Variants in CACNA1C observed in about 807,000 individuals in gnomAD.
The protein encoded by CACNA1C is voltage-dependent L-type calcium channel subunit alpha-1C.
A neutral mutation model predicts 229.0 loss-of-function variants in CACNA1C; 30 were observed. The observed-to-expected ratio is 0.13, with a 90% CI of 0.10 to 0.18. The LOEUF is 0.18. Among genes scored for constraint, CACNA1C ranks in the 10% least tolerant of loss-of-function variants. CACNA1C has a pLI of 1.00. For missense variants in CACNA1C, 1,658 were observed against 2,845.0 expected, an observed-to-expected ratio of 0.58 and a Z score of 9.49; for synonymous variants, 1,114 against 1,132.5, an observed-to-expected ratio of 0.98 and a Z score of 0.33.
At chr12:2,524,104 G>A (rs1463875558) in intron 9 of CACNA1C, among the ~76,000 whole-genome samples, 1 of 152,204 alleles carries the variant, frequency 6.6e-6, no homozygotes, top group Non-Finnish European at 1.5e-5. Context: ...ATGGGAGGAT[G>A]ATTTATAGAA....
intron 1 of CACNA1C, among the ~76,000 whole-genome samples, chr12:2,093,809 C>T (rs2072554966): frequency 6.6e-6 from 1 of 152,230 alleles, no homozygotes; most frequent in African/African-American, 2.4e-5. Flanking sequence ...AACCGCCCCT[C>T]TTTCATGACA....
intron 3 of CACNA1C, among the ~76,000 whole-genome samples, chr12:2,136,169 G>T (rs573617695): frequency 6.6e-6 from 1 of 151,354 alleles, no homozygotes; most frequent in African/African-American, 2.4e-5. Flanking sequence ...TTTGGCTCGC[G>T]CACCCACTGG....
rs2072455632 is a variant in CACNA1C at position 2,601,742 on chromosome 12, A to G, written c.2854-112A>G. The stretch of plus-strand genomic sequence containing the variant: ...TCTTTGTCCTTCCTGTTCCCCATGG[A>G]TGGTGCTTGGGACTTGCCCAAGGGA... On this transcript the variant is annotated intron_variant, in intron 21 of 46. Transcript: ENST00000399655. The surrounding 1 kb of genome is among the most constrained non-coding windows in gnomAD (Gnocchi z 5.9). 4.0e-6 allele frequency: 3 copies of G among 749,034 alleles called. No individual in the cohort carries two copies. The highest frequency in any genetic ancestry group is 3.8e-5 in the Admixed American group (2 of 52,666). The allele number at this position is 749,034 out of a possible 1,614,324, so 46.4% of individuals were successfully genotyped here.
intron 11 of CACNA1C, among the ~76,000 whole-genome samples, chr12:2,558,954 A>C (rs934238786): frequency 1.3e-5 from 2 of 151,914 alleles, no homozygotes; most frequent in East Asian, 3.9e-4. Context: ...AAAAAAAAAA[A>C]TTTCTCTCTC....
Position 2,488,953 on chromosome 12 carries a change from CA to C in CACNA1C, c.916+2692del, listed in dbSNP as rs1324018995. On this transcript the variant is annotated intron_variant, in intron 6 of 46. Coordinates refer to ENST00000399655, the MANE Select transcript of CACNA1C (RefSeq NM_000719.7). The surrounding 1 kb of genome is among the most constrained non-coding windows in gnomAD (Gnocchi z 4.0). ...AGCCCTTGTCCACCCACAGAGTGGG[CA>C]GTGCAGACAAGGAGGGAAAATACGC... Among the ~76,000 whole-genome samples, 1 of 152,232 alleles carries C rather than the reference CA, an allele frequency of 6.6e-6. No homozygotes were observed. The highest frequency in any genetic ancestry group is 1.5e-5 in the Non-Finnish European group (1 of 68,040).
intron 11 of CACNA1C, among the ~76,000 whole-genome samples, chr12:2,565,087 G>T (rs1441732417): frequency 1.3e-5 from 2 of 152,166 alleles, no homozygotes; most frequent in Non-Finnish European, 1.5e-5. Flanking sequence ...CTCCACCATA[G>T]AATCTTAAAA....
At position 1,980,081 on chromosome 12, in the gene CACNA1C, A is replaced by G. The variant is rs149509470; in HGVS notation, c.139+8880A>G. On this transcript the variant is annotated intron_variant, in intron 1 of 46. Coordinates refer to the CACNA1C transcript ENST00000682462. The stretch of plus-strand genomic sequence containing the variant: ...AGTATCTCTAAAGCTAAACAAACCC[A>G]TACACTATGTCCCCATCAATTTCAC... Among the ~76,000 whole-genome samples the G allele has an allele frequency of 3.2e-3, 481 of 152,340 alleles. 2 individuals are homozygous for G. The highest frequency in any genetic ancestry group is 0.011 in the African/African-American group (444 of 41,584).
rs1269914313 is a variant in CACNA1C, at chr12:2,692,208, T to G, written c.*1009T>G. On this transcript the variant is annotated 3_prime_UTR_variant, in exon 47 of 47. Transcript: ENST00000399655. ...GTTATCATTTCCTTAGGTAGTAACC[T>G]ATTTTTGTTCTGGTTTGGTTCGGTT... The G allele has an allele frequency of 6.6e-6, 1 of 152,260 alleles. No homozygotes were observed. Among genetic ancestry groups the G allele is most frequent in the Non-Finnish European group, 1.5e-5 (1 of 68,052 alleles). 9.4% of individuals were successfully genotyped at this position (152,260 alleles called of 1,614,324 possible).
rs1180445800 is a variant in CACNA1C at position 2,300,596 on chromosome 12, A to T, written c.478-148380A>T. On this transcript the variant is annotated intron_variant, in intron 3 of 46. Transcript: ENST00000399655. ...AGCTGTGATCGCACCACTGCACTCCAGCCTGGTGACAGAGTGAGACCTTCT... is the reference window on the plus strand; with the variant it reads ...AGCTGTGATCGCACCACTGCACTCCTGCCTGGTGACAGAGTGAGACCTTCT... 2.6e-5 allele frequency among the ~76,000 whole-genome samples: 4 copies of T among 152,242 alleles called. No homozygotes were observed. The South Asian group carries it at 8.3e-4, about 31-fold the overall frequency.
chr12:1,988,909 T>C (rs1423416305), intron 1 of CACNA1C, among the ~76,000 whole-genome samples: 1 of 152,272 alleles, frequency 6.6e-6, no homozygotes, highest in Non-Finnish European at 1.5e-5. Context: ...AAATTCACTT[T>C]AAGACTTAGG....
At chr12:2,238,363 C>G (rs1157806683) in intron 3 of CACNA1C, among the ~76,000 whole-genome samples, 1 of 152,166 alleles carries the variant, frequency 6.6e-6, no homozygotes, top group African/African-American at 2.4e-5. Context: ...TGAAGTGTGG[C>G]CAAAAACTGT....
chr12:2,065,423 A>G (rs1451766490), intron 1 of CACNA1C, among the ~76,000 whole-genome samples: 1 of 152,150 alleles, frequency 6.6e-6, no homozygotes, highest in Non-Finnish European at 1.5e-5. Context: ...TTTTTCCTCC[A>G]GAATAGGAAT....
Position 2,665,027 on chromosome 12 carries a change from A to T in CACNA1C, c.4398+37A>T. On this transcript the variant is annotated intron_variant, in intron 35 of 46. Coordinates refer to ENST00000399655, the MANE Select transcript of CACNA1C (RefSeq NM_000719.7). The surrounding 1 kb of genome is among the most constrained non-coding windows in gnomAD (Gnocchi z 5.9). ...GGGAACTCAACAGCCAGCAGCCATG[A>T]CTGCCCAGTTCCAGGGCAGTCTGAA... The T allele has an allele frequency of 6.2e-7, 1 of 1,609,366 alleles. No homozygotes were observed. Among genetic ancestry groups the T allele is most frequent in the Non-Finnish European group, 8.5e-7 (1 of 1,176,352 alleles).
intron 3 of CACNA1C, among the ~76,000 whole-genome samples, chr12:2,190,395 A>C (rs567927093): frequency 6.6e-6 from 1 of 152,282 alleles, no homozygotes; most frequent in East Asian, 1.9e-4. Context: ...CATTCCCTCC[A>C]TCAGCCGTTT....
chr12:2,098,564 G>A (rs564913489), intron 1 of CACNA1C, among the ~76,000 whole-genome samples: 1 of 152,290 alleles, frequency 6.6e-6, no homozygotes, highest in Admixed American at 6.5e-5. Context: ...ACTAATAGAG[G>A]ATCCTTGAGG....
chr12:2,051,024 C>A (rs1258538518), upstream of CACNA1C, among the ~76,000 whole-genome samples: 1 of 152,002 alleles, frequency 6.6e-6, no homozygotes, highest in Non-Finnish European at 1.5e-5. Flanking sequence ...GGGATACAGA[C>A]AATAAGCAAT....
In CACNA1C at chr12:2,512,018, A is replaced by G. The variant is rs770694048; in HGVS notation, c.1218-794A>G. On this transcript the variant is annotated intron_variant, in intron 8 of 46. Coordinates refer to ENST00000399655, the MANE Select transcript of CACNA1C (RefSeq NM_000719.7). The surrounding 1 kb of genome is among the most constrained non-coding windows in gnomAD (Gnocchi z 4.3). ...ACATTTTCTTGTGTTTGGAATCTTCATTTGTCTTCATGTGGGAGAGAACCT... is the reference window on the plus strand; with the variant it reads ...ACATTTTCTTGTGTTTGGAATCTTCGTTTGTCTTCATGTGGGAGAGAACCT... Among the ~76,000 whole-genome samples, 15 of 152,080 alleles carry G rather than the reference A, an allele frequency of 9.9e-5. No individual in the cohort carries two copies. Among genetic ancestry groups the G allele is most frequent in the Non-Finnish European group, 2.1e-4 (14 of 68,018 alleles).
chr12:1,980,564 G>A (rs1268922092), intron 1 of CACNA1C, among the ~76,000 whole-genome samples: 2 of 151,422 alleles, frequency 1.3e-5, no homozygotes, highest in African/African-American at 4.9e-5. Flanking sequence ...CTTAAGAACA[G>A]AAGTTTTTAA....
intron 5 of CACNA1C, among the ~76,000 whole-genome samples, chr12:2,466,585 C>T (rs146667992): frequency 1.3e-5 from 2 of 152,360 alleles, no homozygotes; most frequent in East Asian, 1.9e-4. Context: ...CCTGTGTCCT[C>T]ATGTTCCCAG....
Sources: allele counts gnomAD v4.1 joint callset (sites outside exome capture counted in the v4.1 genomes callset), GRCh38; gene constraint gnomAD v4.1.1; non-coding constraint Gnocchi (gnomAD v3.1); transcripts MANE v1.5; gene names NCBI Gene and HGNC (gene_info 2026-07-23, HGNC 2026-07-21).